Variants in DLG2 observed in about 807,000 individuals in gnomAD.
The protein encoded by DLG2 is discs large MAGUK scaffold protein 2, also known as disks large homolog 2.
A neutral mutation model predicts 132.5 loss-of-function variants in DLG2; 45 were observed. The observed-to-expected ratio is 0.34, with a 90% CI of 0.27 to 0.44. The LOEUF is 0.44. Ranked by LOEUF, DLG2 falls within the 20% of genes least tolerant of loss-of-function variation. The pLI is 1.00. For synonymous variants in DLG2, 424 were observed against 419.6 expected (o/e 1.01, Z -0.13); for missense variants, 1,045 against 1,196.9 (o/e 0.87, Z 1.87).
At chr11:85,384,806 G>T (rs2086191443) in intron 3 of DLG2, among the ~76,000 whole-genome samples, 1 of 152,074 alleles carries the variant, frequency 6.6e-6, no homozygotes, top group Non-Finnish European at 1.5e-5. Flanking sequence ...CCCTGTCCTT[G>T]AGTGATCCAC....
intron 6 of DLG2, among the ~76,000 whole-genome samples, chr11:84,902,274 C>G (rs1338944630): frequency 6.6e-6 from 1 of 152,084 alleles, no homozygotes; most frequent in Non-Finnish European, 1.5e-5. Context: ...ACTAAGAACT[C>G]TGGCTCTTGT....
At position 84,016,144 on chromosome 11, in the gene DLG2, C is replaced by CT. The variant is rs1014712122; in HGVS notation, c.920-35503dup. 5.9e-5 allele frequency among the ~76,000 whole-genome samples: 9 copies of CT among 151,960 alleles called. No individual in the cohort carries two copies. In the East Asian group the frequency reaches 1.2e-3, roughly 20 times the overall value. The stretch of plus-strand genomic sequence containing the variant: ...TTCTCTAATGATCAGGGATGTTGAG[C>CT]TTTTTTTTCATGTTTGTTGGCCACA... On this transcript the variant is annotated intron_variant, in intron 11 of 27. Coordinates refer to ENST00000376104, the MANE Select transcript of DLG2 (RefSeq NM_001142699.3).
intron 11 of DLG2, among the ~76,000 whole-genome samples, chr11:83,996,283 C>T (rs2094017123): frequency 6.6e-6 from 1 of 152,096 alleles, no homozygotes; most frequent in Non-Finnish European, 1.5e-5. Context: ...TATCATCTCA[C>T]CCCAGTTAAA....
In DLG2 at chr11:84,666,055, C is replaced by A. The variant is rs187140390; in HGVS notation, c.358-131324G>T. On this transcript the variant is annotated intron_variant, in intron 6 of 27. Transcript: ENST00000376104. ...TCCCCTATAGGCATCACTAGGAATTCGGCTAACACATAGGTCTCCAAATCC... is the reference window on the plus strand; with the variant it reads ...TCCCCTATAGGCATCACTAGGAATTAGGCTAACACATAGGTCTCCAAATCC... Among the ~76,000 whole-genome samples the A allele has an allele frequency of 2.0e-4, 31 of 152,268 alleles. No individual in the cohort carries two copies. The East Asian group carries it at 5.0e-3, about 25-fold the overall frequency.
At chr11:84,401,371 A>C (rs2098828795) in intron 7 of DLG2, among the ~76,000 whole-genome samples, 1 of 152,012 alleles carries the variant, frequency 6.6e-6, no homozygotes, top group Admixed American at 6.6e-5. Context: ...CATTTGTTTA[A>C]TGTCTTTCCT....
chr11:84,208,558 G>C (rs1477027068), intron 8 of DLG2, among the ~76,000 whole-genome samples: 1 of 151,956 alleles, frequency 6.6e-6, no homozygotes, highest in Non-Finnish European at 1.5e-5. Context: ...TAGCCAGGCT[G>C]GTCTCGAACT....
At chr11:83,724,805 C>T in intron 18 of DLG2, 2 of 701,844 alleles carry the variant, frequency 2.8e-6, no homozygotes, top group African/African-American at 1.7e-5. Flanking sequence ...ACACCTCCCC[C>T]ACATGGTCTG....
Position 84,976,993 on chromosome 11 carries a change from G to A in DLG2, c.357+134668C>T, listed in dbSNP as rs530930807. Among the ~76,000 whole-genome samples the A allele has an allele frequency of 5.3e-5, 8 of 152,134 alleles. 1 individual carries two copies. The highest frequency in any genetic ancestry group is 2.0e-4 in the Admixed American group (3 of 15,264). ...AAACTACCCAATTCCTCTACAAACC[G>A]GTTACAATGTAGCTATATAGAATAT... On this transcript the variant is annotated intron_variant, in intron 6 of 27. Coordinates refer to ENST00000376104, the MANE Select transcript of DLG2 (RefSeq NM_001142699.3).
chr11:85,199,252 G>T (rs1218094724), intron 4 of DLG2, among the ~76,000 whole-genome samples: 4 of 152,062 alleles, frequency 2.6e-5, no homozygotes, highest in Non-Finnish European at 5.9e-5. Flanking sequence ...CAAAAACATG[G>T]ATGAACCTCA....
At chr11:85,590,552 T>A (rs2079246639) in intron 3 of DLG2, among the ~76,000 whole-genome samples, 1 of 151,984 alleles carries the variant, frequency 6.6e-6, no homozygotes. Context: ...TATTGAAAAA[T>A]TTTTTTAGAT....
chr11:83,628,746 G>A (rs757182939), intron 19 of DLG2, among the ~76,000 whole-genome samples: 12 of 152,148 alleles, frequency 7.9e-5, no homozygotes, highest in Non-Finnish European at 1.8e-4. Flanking sequence ...ATATAAGGTA[G>A]TAAAGACACT....
chr11:84,082,923 G>A (rs1173405483), intron 10 of DLG2, among the ~76,000 whole-genome samples: 1 of 152,188 alleles, frequency 6.6e-6, no homozygotes, highest in African/African-American at 2.4e-5. Flanking sequence ...TAGAATGGTG[G>A]TATATTAAGG....
At chr11:85,023,209 T>TAAAAATA (rs1439656169) in intron 6 of DLG2, among the ~76,000 whole-genome samples, 1 of 151,920 alleles carries the variant, frequency 6.6e-6, no homozygotes, top group Non-Finnish European at 1.5e-5. Context: ...TAGAATGAGG[T>TAAAAATA]AAAAATAAAA....
intron 15 of DLG2, among the ~76,000 whole-genome samples, chr11:83,878,407 A>G (rs1320596804): frequency 6.6e-6 from 1 of 152,186 alleles, no homozygotes; most frequent in Non-Finnish European, 1.5e-5. Context: ...TTTTCAAGGG[A>G]AAAAAGTGCT....
chr11:84,800,306 T>C (rs1455303342), intron 6 of DLG2, among the ~76,000 whole-genome samples: 1 of 152,184 alleles, frequency 6.6e-6, no homozygotes, highest in East Asian at 1.9e-4. Flanking sequence ...AGTTTTAAAA[T>C]ACACAGCATG....
chr11:85,201,190 A>C (rs973034913), intron 4 of DLG2, among the ~76,000 whole-genome samples: 35 of 152,288 alleles, frequency 2.3e-4, no homozygotes, highest in African/African-American at 8.2e-4. Context: ...AAAGAGAGCC[A>C]GTCTCAGATC....
chr11:85,076,191 T>C (rs976298375), intron 6 of DLG2, among the ~76,000 whole-genome samples: 2 of 151,988 alleles, frequency 1.3e-5, no homozygotes, highest in African/African-American at 2.4e-5. Context: ...CTTATCAGTC[T>C]TGCAAGAGTT....
At chr11:84,585,332 A>C (rs2099527098) in intron 6 of DLG2, among the ~76,000 whole-genome samples, 2 of 152,182 alleles carry the variant, frequency 1.3e-5, no homozygotes, top group Admixed American at 1.3e-4. Flanking sequence ...GAACTGGTGA[A>C]CTTACCTTCT....
chr11:84,428,937 T>C (rs1378255919), intron 7 of DLG2, among the ~76,000 whole-genome samples: 1 of 152,218 alleles, frequency 6.6e-6, no homozygotes, highest in Non-Finnish European at 1.5e-5. Context: ...TCTGGCTTTA[T>C]GCTAGTTACT....
Sources: gnomAD v4.1 joint callset for allele counts (sites outside exome capture counted in the v4.1 genomes callset) on GRCh38, gnomAD v4.1.1 for gene constraint, MANE v1.5 for transcripts, NCBI Gene and HGNC (gene_info 2026-07-23, HGNC 2026-07-21) for gene names.